The following PLOD1 variants were observed in gnomAD, a reference collection of about 807,000 sequenced individuals.
PLOD1 encodes procollagen-lysine,2-oxoglutarate 5-dioxygenase 1, also known as lysine hydroxylase.
PLOD1 carries 70 observed loss-of-function variants against 94.7 expected under a neutral mutation model. That is an observed-to-expected ratio of 0.74 (90% CI 0.61 to 0.90). PLOD1 has a LOEUF of 0.90. Among genes scored for constraint, PLOD1 ranks in the 40% least tolerant of loss-of-function variants. The pLI, the probability that PLOD1 is intolerant of heterozygous loss-of-function variation, is 0.00. For missense variants in PLOD1, 905 were observed against 972.7 expected, an observed-to-expected ratio of 0.93 and a Z score of 0.93; for synonymous variants, 417 against 400.2, an observed-to-expected ratio of 1.04 and a Z score of -0.50.
chr1:11,959,445 CT>C lies in PLOD1; in HGVS notation c.975+813del, dbSNP rs147497113. On this transcript the variant is annotated intron_variant, in intron 9 of 18. Transcript: ENST00000196061. ...GTGGCAGTCAAATTGGTTTTCTTTTCTTTTTTTTTTTTTTTGAGACAGAGTC... is the reference window on the plus strand; with the variant it reads ...GTGGCAGTCAAATTGGTTTTCTTTTCTTTTTTTTTTTTTTGAGACAGAGTC... Among the ~76,000 whole-genome samples the C allele has an allele frequency of 2.0e-3, 277 of 136,170 alleles. 2 individuals are homozygous for C. The highest frequency in any genetic ancestry group is 5.4e-3 in the African/African-American group (201 of 37,252). The allele number at this position is 136,170 out of a possible 152,430, so 89.3% of individuals were successfully genotyped here.
rs1207311890 is a variant in PLOD1, at chr1:11,963,034, C to T, written c.1098-498C>T. Among the ~76,000 whole-genome samples the T allele has an allele frequency of 6.6e-6, 1 of 151,074 alleles. No homozygotes were observed. Among genetic ancestry groups the T allele is most frequent in the Admixed American group, 6.6e-5 (1 of 15,102 alleles). On this transcript the variant is annotated intron_variant, in intron 10 of 18. Coordinates refer to ENST00000196061, the MANE Select transcript of PLOD1 (RefSeq NM_000302.4). This position sits in a 1 kb window ranked among gnomAD's most constrained non-coding sequence, Gnocchi z 4.3. ...CCAGCCTGGGCAACAGAGTGAGACT[C>T]GTTCTCAAAAAAATAAAATAAAATA...
intron 1 of PLOD1, 39 bp downstream of exon 1, chr1:11,934,894 G>A: frequency 6.5e-7 from 1 of 1,528,118 alleles, no homozygotes; most frequent in Non-Finnish European, 8.8e-7. Flanking sequence ...CGCGGATCCG[G>A]GCGGGAGGGC....
intron 10 of PLOD1, among the ~76,000 whole-genome samples, chr1:11,961,428 G>C (rs77727135): frequency 0.048 from 7,271 of 152,238 alleles, 444 homozygotes; most frequent in African/African-American, 0.14. Flanking sequence ...TGTGTTGCTT[G>C]TAGAAGAGTC....
chr1:11,935,583 C>T (rs961964911), intron 1 of PLOD1, among the ~76,000 whole-genome samples: 47 of 150,384 alleles, frequency 3.1e-4, no homozygotes, highest in African/African-American at 1.1e-3. Context: ...ACGCAGTATG[C>T]GATCTCGGCT....
chr1:11,973,116 G>GA, intron 18 of PLOD1, 119 bp downstream of exon 18: 83 of 1,043,706 alleles, frequency 8.0e-5, no homozygotes, highest in Non-Finnish European at 1.0e-4. Flanking sequence ...CAGAGAACCA[G>GA]AAAAAAAAGG....
rs2100729546 is a variant in PLOD1, at chr1:11,934,728, T to C, written c.-52T>C. On this transcript the variant is annotated 5_prime_UTR_variant, in exon 1 of 19. Transcript: ENST00000196061. Reference sequence around the variant, plus strand: ...GGACCTGCGGCCCCGTCGCGAAGTTTCCAGCCCTGCGAGCGCCGCCGGGTC... The same window carrying C: ...GGACCTGCGGCCCCGTCGCGAAGTTCCCAGCCCTGCGAGCGCCGCCGGGTC... 6.6e-7 allele frequency: 1 copy of C among 1,515,600 alleles called. No individual in the cohort carries two copies. Among genetic ancestry groups the C allele is most frequent in the Non-Finnish European group, 8.8e-7 (1 of 1,139,062 alleles). The allele number at this position is 1,515,600 out of a possible 1,614,324, so 93.9% of individuals were successfully genotyped here. A position where few individuals can be genotyped will look rare whatever the true frequency, so the allele number is the denominator to read the frequency against.
Position 11,954,830 on chromosome 1 carries a change from G to C in PLOD1, c.580G>C (p.Glu194Gln), listed in dbSNP as rs1408744728. 1 of 1,612,664 alleles carries C rather than the reference G, an allele frequency of 6.2e-7. No homozygotes were observed. Among genetic ancestry groups the C allele is most frequent in the African/African-American group, 1.3e-5 (1 of 74,916 alleles). The stretch of plus-strand genomic sequence containing the variant: ...CAGTCTGGTACCTTCTTTCCTGCAG[G>C]AGCAGATCAATATCACCCTGGACCA... ...TKIFLDPEKREQINITLDHRC... is the reference protein window; with the variant it reads ...TKIFLDPEKRQQINITLDHRC... The change falls in exon 6 of 19, where the codon GAG becomes CAG. Residue 194 changes from glutamate (E) to glutamine (Q), a missense_variant and splice_region_variant. Coordinates refer to ENST00000196061, the MANE Select transcript of PLOD1 (RefSeq NM_000302.4).
rs573039703 is a variant in PLOD1 at position 11,958,367 on chromosome 1, C to G, written c.844-149C>G. ...GCTGCTTCCCTGCCCCCCCGTACCC[C>G]CTGACTGGAGTTCCCCGGCCCGGGC... On this transcript the variant is annotated intron_variant, in intron 8 of 18. Transcript: ENST00000196061. The surrounding 1 kb of genome is among the most constrained non-coding windows in gnomAD (Gnocchi z 4.3). 4.6e-5 allele frequency: 40 copies of G among 870,982 alleles called. No homozygotes were observed. The East Asian group carries it at 6.1e-4, about 13-fold the overall frequency. The allele number at this position is 870,982 out of a possible 1,614,324, so 54.0% of individuals were successfully genotyped here.
At chr1:11,956,797 G>A in intron 6 of PLOD1, 120 bp from the exon 7 acceptor site, 2 of 761,772 alleles carry the variant, frequency 2.6e-6, no homozygotes, top group Non-Finnish European at 4.9e-6. Context: ...TTAGAGAGAA[G>A]TGACTTGCCC....
At chr1:11,960,516 G>A (rs1645770276) in intron 9 of PLOD1, 130 bp from the exon 10 acceptor site, 5 of 739,804 alleles carry the variant, frequency 6.8e-6, no homozygotes, top group Admixed American at 1.9e-5. Context: ...CTGGAGACAG[G>A]AAAGCAGATG....
chr1:11,950,026 GT>G, intron 3 of PLOD1, 120 bp downstream of exon 3: 2 of 1,043,268 alleles, frequency 1.9e-6, no homozygotes, highest in Non-Finnish European at 3.0e-6. Flanking sequence ...AGGTTGCCTA[GT>G]TTTAGGGTGT....
At chr1:11,969,913 C>G (rs563375734) in intron 16 of PLOD1, among the ~76,000 whole-genome samples, 2 of 151,686 alleles carry the variant, frequency 1.3e-5, no homozygotes, top group Admixed American at 6.6e-5. Flanking sequence ...TTAAGACCAG[C>G]CTGGGCAACA....
chr1:11,975,502 A>T lies in PLOD1; in HGVS notation c.*694A>T, dbSNP rs1041956325. On this transcript the variant is annotated 3_prime_UTR_variant, in exon 19 of 19. Transcript: ENST00000196061. ...TCTGAAGAGAGGGACAGACCGTCAG[A>T]AACTGGAGAGTTTCTATTAAAGGTC... 1 of 154,814 alleles carries T rather than the reference A, an allele frequency of 6.5e-6. No homozygotes were observed. Among genetic ancestry groups the T allele is most frequent in the African/African-American group, 2.4e-5 (1 of 41,358 alleles). 9.6% of individuals were successfully genotyped at this position (154,814 alleles called of 1,614,324 possible).
chr1:11,949,434 T>C (rs1236219811), intron 2 of PLOD1, among the ~76,000 whole-genome samples: 2 of 152,178 alleles, frequency 1.3e-5, no homozygotes, highest in South Asian at 4.1e-4. Flanking sequence ...TTTTCTCTTT[T>C]TTTGAGACGG....
At chr1:11,965,424 G>T (rs1379204584) in intron 13 of PLOD1, 56 bp from the exon 14 acceptor site, 4 of 1,016,796 alleles carry the variant, frequency 3.9e-6, no homozygotes, top group Non-Finnish European at 6.2e-6. Context: ...CAGGGGAGGG[G>T]TGAGGGCAGG....
At chr1:11,970,123 C>T (rs1038440243) in intron 16 of PLOD1, among the ~76,000 whole-genome samples, 7 of 150,938 alleles carry the variant, frequency 4.6e-5, no homozygotes, top group African/African-American at 7.3e-5. Context: ...TGGTGGCGCA[C>T]GCCTGTAATC....
At position 11,948,165 on chromosome 1, in the gene PLOD1, T is replaced by G. The variant is rs1459244836; in HGVS notation, c.168+98T>G. The G allele has an allele frequency of 3.4e-6, 3 of 873,964 alleles. No homozygotes were observed. In the East Asian group the frequency reaches 7.2e-5, roughly 21 times the overall value. 54.1% of individuals were successfully genotyped at this position (873,964 alleles called of 1,614,324 possible). On this transcript the variant is annotated intron_variant, in intron 2 of 18. Coordinates refer to ENST00000196061, the MANE Select transcript of PLOD1 (RefSeq NM_000302.4). ...AACTACCACGTCTCTTAAGATAGAC[T>G]TGGGGCCACAGGGGAGGCTTCTGGA...
Position 11,950,345 on chromosome 1 carries a change from C to T in PLOD1, c.303-12C>T. ...CTTGCCCTGCTCCGTCTTCTCGCTG[C>T]TCTGGCCACAGCTATGACGTGCTGT... On this transcript the variant is annotated splice_polypyrimidine_tract_variant and intron_variant, in intron 3 of 18. Transcript: ENST00000196061. 1 of 1,613,912 alleles carries T rather than the reference C, an allele frequency of 6.2e-7. No individual in the cohort carries two copies. Among genetic ancestry groups the T allele is most frequent in the South Asian group, 1.1e-5 (1 of 91,082 alleles).
chr1:11,960,840 G>T, intron 10 of PLOD1, 73 bp downstream of exon 10: 1 of 1,600,102 alleles, frequency 6.2e-7, no homozygotes, highest in Non-Finnish European at 8.5e-7. Flanking sequence ...AGGAGCAGCA[G>T]GCTGAGTGAC....
Sources: gnomAD v4.1 joint callset for allele counts (sites outside exome capture counted in the v4.1 genomes callset) on GRCh38, gnomAD v4.1.1 for gene constraint, Gnocchi (gnomAD v3.1) non-coding constraint, MANE v1.5 for transcripts, NCBI Gene and HGNC (gene_info 2026-07-23, HGNC 2026-07-21) for gene names.